The following PSD4 variants were observed in gnomAD, a reference collection of about 807,000 sequenced individuals.
PSD4 encodes pleckstrin and Sec7 domain containing 4, also known as PH and SEC7 domain-containing protein 4.
In PSD4, 59 loss-of-function variants were observed where a neutral mutation model predicts 112.5. The ratio of observed to expected loss-of-function variants is 0.52; its 90% confidence interval spans 0.43 to 0.65. PSD4 has a LOEUF of 0.65. Among genes scored for constraint, PSD4 ranks in the 30% least tolerant of loss-of-function variants. The probability of loss-of-function intolerance (pLI) is 0.00; values close to 1 mark genes in which losing one functional copy is unlikely to be tolerated. For missense variants in PSD4, 1,267 were observed against 1,352.6 expected, an observed-to-expected ratio of 0.94 and a Z score of 0.99; for synonymous variants, 533 against 540.0, an observed-to-expected ratio of 0.99 and a Z score of 0.18.
intron 16 of PSD4, among the ~76,000 whole-genome samples, chr2:113,200,172 C>T (rs1003617950): frequency 1.2e-4 from 19 of 152,154 alleles, no homozygotes; most frequent in African/African-American, 4.6e-4. Context: ...TGTTTTATCC[C>T]TTAGTCTCCC....
chr2:113,195,759 C>T lies in PSD4; in HGVS notation c.2214C>T (p.Leu738=), dbSNP rs140263350. The T allele has an allele frequency of 2.5e-5, 41 of 1,614,056 alleles. No homozygotes were observed. Among genetic ancestry groups the T allele is most frequent in the Middle Eastern group, 1.6e-4 (1 of 6,084 alleles). The change falls in exon 11 of 17, where the codon CTC becomes CTT. Residue 738 remains leucine (L), a synonymous_variant. Coordinates refer to ENST00000245796, the MANE Select transcript of PSD4 (RefSeq NM_012455.3). ...ALYWSIRSEK[L]EWAVDEEDTA... ...ACTGGTCTATCCGCAGCGAGAAGCTCGAGTGGGCCGTGTGAGTGAGACTCC... is the reference window on the plus strand; with the variant it reads ...ACTGGTCTATCCGCAGCGAGAAGCTTGAGTGGGCCGTGTGAGTGAGACTCC...
intron 11 of PSD4, 108 bp from the exon 12 acceptor site, chr2:113,196,039 G>A (rs1688599416): frequency 4.3e-6 from 6 of 1,386,740 alleles, no homozygotes; most frequent in South Asian, 3.9e-5. Flanking sequence ...GGGTCCTGGG[G>A]TGTGGCTTCC....
At position 113,182,986 on chromosome 2, in the gene PSD4, C is replaced by T. The variant is rs769948278; in HGVS notation, c.530C>T (p.Thr177Met). ...GACCTGGAGGAGGAGCTGGAGAAGA[C>T]GGAAGGGCTCAAGGCTGGGCTGAAA... ...VLDLEEELEKTEGLKAGLKCC... is the reference protein window; with the variant it reads ...VLDLEEELEKMEGLKAGLKCC... The change falls in exon 2 of 17, where the codon ACG becomes ATG. Residue 177 changes from threonine (T) to methionine (M), a missense_variant. Around this residue, in one of 2 missense-constraint regions of PSD4, gnomAD observed 723 missense variants for 704.0 expected, o/e 1.03. Coordinates refer to ENST00000245796, the MANE Select transcript of PSD4 (RefSeq NM_012455.3). 14 of 1,614,024 alleles carry T rather than the reference C, an allele frequency of 8.7e-6. No homozygotes were observed. The highest frequency in any genetic ancestry group is 2.7e-5 in the African/African-American group (2 of 74,908).
chr2:113,183,535 A>G, intron 2 of PSD4, 23 bp downstream of exon 2: 1 of 1,518,586 alleles, frequency 6.6e-7, no homozygotes, highest in Non-Finnish European at 8.9e-7. Context: ...TTGGGAACCA[A>G]CCGGGGCTGT....
chr2:113,192,653 G>A, intron 6 of PSD4, 64 bp downstream of exon 6: 2 of 1,542,880 alleles, frequency 1.3e-6, no homozygotes, highest in Non-Finnish European at 1.8e-6. Context: ...CTGCTGAAGG[G>A]CTCCCTCCAC....
At chr2:113,199,876 A>G (rs1015924822) in intron 16 of PSD4, among the ~76,000 whole-genome samples, 1 of 152,154 alleles carries the variant, frequency 6.6e-6, no homozygotes, top group Non-Finnish European at 1.5e-5. Context: ...CCCAGGCTGG[A>G]GTGCAGTGGC....
chr2:113,189,366 T>TATATAC (rs1553475554), intron 5 of PSD4, among the ~76,000 whole-genome samples: 1 of 150,312 alleles, frequency 6.7e-6, no homozygotes, highest in African/African-American at 2.4e-5. Context: ...TATATATATA[T>TATATAC]ACACACACAC....
intron 16 of PSD4, among the ~76,000 whole-genome samples, 193 bp from the exon 17 acceptor site, chr2:113,200,965 T>C (rs1688760398): frequency 6.6e-6 from 1 of 152,194 alleles, no homozygotes; most frequent in South Asian, 2.1e-4. Context: ...GTCATTATAA[T>C]ACTATCCAGA....
chr2:113,204,723 TG>T lies in PSD4; in HGVS notation c.*3309del, dbSNP rs1374349538. On this transcript the variant is annotated 3_prime_UTR_variant, in exon 17 of 17. Transcript: ENST00000245796. Reference sequence around the variant, plus strand: ...AGCCTGGCTTTCTGCTGATGATATTTGTTTGTTGCTTGCCAGGCACCAGGGT... The same window carrying T: ...AGCCTGGCTTTCTGCTGATGATATTTTTTGTTGCTTGCCAGGCACCAGGGT... The T allele has an allele frequency of 1.3e-5, 2 of 152,180 alleles. No homozygotes were observed. The highest frequency in any genetic ancestry group is 4.8e-5 in the African/African-American group (2 of 41,434). The allele number at this position is 152,180 out of a possible 1,614,324, so 9.4% of individuals were successfully genotyped here. A position where few individuals can be genotyped will look rare whatever the true frequency, so the allele number is the denominator to read the frequency against.
chr2:113,183,272 C>A lies in PSD4; in HGVS notation c.816C>A (p.Asp272Glu). 1 of 1,614,062 alleles carries A rather than the reference C, an allele frequency of 6.2e-7. No homozygotes were observed. Among genetic ancestry groups the A allele is most frequent in the Non-Finnish European group, 8.5e-7 (1 of 1,179,930 alleles). Residue 272 changes from aspartate to glutamate, a missense_variant, in exon 2 of 17, where the codon GAC becomes GAA. Around this residue, in one of 2 missense-constraint regions of PSD4, gnomAD observed 723 missense variants for 704.0 expected, o/e 1.03. Transcript: ENST00000245796. ...AGTGCTTTTCCTGGGGGGCTTCAGA[C>A]TCCCATGCAGGTGTGAGGACTGGAC... The part of the protein sequence containing the change: ...SGECFSWGAS[D>E]SHAGVRTGPE...
At chr2:113,187,122 T>C (rs375162137) in intron 5 of PSD4, among the ~76,000 whole-genome samples, 1 of 152,150 alleles carries the variant, frequency 6.6e-6, no homozygotes, top group African/African-American at 2.4e-5. Flanking sequence ...CAGACTGACT[T>C]AGCCTGGCCT....
chr2:113,200,527 C>T (rs1261623837), intron 16 of PSD4, among the ~76,000 whole-genome samples: 1 of 152,178 alleles, frequency 6.6e-6, no homozygotes, highest in Non-Finnish European at 1.5e-5. Flanking sequence ...CAGGGTGTGG[C>T]TGTGAGGACC....
chr2:113,201,792 T>G lies in PSD4; in HGVS notation c.*377T>G. On this transcript the variant is annotated 3_prime_UTR_variant, in exon 17 of 17. Coordinates refer to ENST00000245796, the MANE Select transcript of PSD4 (RefSeq NM_012455.3). ...CAGCACTTGTTTGAGAACCAGTGCT[T>G]ATGTGGTGTGCCCTTGGCTTCTGGG... is the stretch of plus-strand genomic sequence containing the variant. The G allele has an allele frequency of 4.1e-6, 1 of 242,084 alleles. No individual in the cohort carries two copies. Among genetic ancestry groups the G allele is most frequent in the Non-Finnish European group, 8.2e-6 (1 of 121,932 alleles). The allele number at this position is 242,084 out of a possible 1,614,324, so 15.0% of individuals were successfully genotyped here.
At chr2:113,195,851 G>C in intron 11 of PSD4, 81 bp downstream of exon 11, 2 of 1,567,086 alleles carry the variant, frequency 1.3e-6, no homozygotes, top group Non-Finnish European at 1.8e-6. Flanking sequence ...ACCCACCCGA[G>C]AGTTAGAGAA....
chr2:113,193,436 T>C, intron 8 of PSD4, 66 bp downstream of exon 8: 15 of 1,528,118 alleles, frequency 9.8e-6, no homozygotes, highest in Non-Finnish European at 1.3e-5. Flanking sequence ...TGCTTGGGAG[T>C]TCAGTAGGTG....
rs1051209650 is a variant in PSD4, at chr2:113,182,991, G to T, written c.535G>T (p.Gly179Trp). ...DLEEELEKTE[G>W]LKAGLKCCLP... ...GGAGGAGGAGCTGGAGAAGACGGAA[G>T]GGCTCAAGGCTGGGCTGAAATGCTG... is the stretch of plus-strand genomic sequence containing the variant. The change falls in exon 2 of 17, where the codon GGG becomes TGG. Residue 179 changes from glycine (G) to tryptophan (W), a missense_variant. Coordinates refer to ENST00000245796, the MANE Select transcript of PSD4 (RefSeq NM_012455.3). 8 of 1,614,156 alleles carry T rather than the reference G, an allele frequency of 5.0e-6. No homozygotes were observed. Among genetic ancestry groups the T allele is most frequent in the Non-Finnish European group, 6.8e-6 (8 of 1,180,012 alleles).
At chr2:113,176,535 C>T (rs893291593) in intron 1 of PSD4, among the ~76,000 whole-genome samples, 9 of 152,180 alleles carry the variant, frequency 5.9e-5, no homozygotes, top group Non-Finnish European at 1.0e-4. Flanking sequence ...ACCTCGGCTC[C>T]CTCCCCTCTG....
intron 2 of PSD4, among the ~76,000 whole-genome samples, chr2:113,183,795 G>A (rs573929486): frequency 6.6e-5 from 10 of 152,232 alleles, no homozygotes; most frequent in South Asian, 2.1e-4. Context: ...GCCTAGATAC[G>A]TTTGGAGAAC....
chr2:113,176,597 C>T (rs13420063), intron 1 of PSD4, among the ~76,000 whole-genome samples: 51,944 of 152,056 alleles, frequency 0.34, 10,430 homozygotes, highest in East Asian at 0.63. Context: ...AACTGAAGGG[C>T]CACTTTAATG....
Sources: allele counts gnomAD v4.1 joint callset (sites outside exome capture counted in the v4.1 genomes callset), GRCh38; gene constraint gnomAD v4.1.1; regional missense constraint gnomAD v4.1.1; transcripts MANE v1.5; gene names NCBI Gene and HGNC (gene_info 2026-07-23, HGNC 2026-07-21).